PRKN: variants seen among roughly 807,000 people sequenced by gnomAD.
PRKN encodes parkin RBR E3 ubiquitin protein ligase.
PRKN carries 56 observed loss-of-function variants against 59.5 expected under a neutral mutation model. That is an observed-to-expected ratio of 0.94 (90% confidence interval 0.76 to 1.18). The LOEUF (loss-of-function observed/expected upper bound fraction) is 1.18. Among genes scored for constraint, PRKN ranks in the 50% most tolerant of loss-of-function variants. The pLI is 0.00. For missense variants in PRKN, 657 were observed against 596.4 expected (o/e 1.10, Z -1.06); for synonymous variants, 250 against 222.1 (o/e 1.13, Z -1.12).
At chr6:162,403,784 C>T (rs780512017) in intron 2 of PRKN, among the ~76,000 whole-genome samples, 1 of 152,174 alleles carries the variant, frequency 6.6e-6, no homozygotes, top group Non-Finnish European at 1.5e-5. Context: ...GTTGTAATTA[C>T]ATGGGCGGGG....
intron 4 of PRKN, among the ~76,000 whole-genome samples, chr6:162,075,386 C>T (rs540587790): frequency 7.5e-4 from 114 of 151,462 alleles, no homozygotes; most frequent in South Asian, 1.7e-3. Context: ...CAAAATTAAG[C>T]TTTATGAATA....
intron 4 of PRKN, among the ~76,000 whole-genome samples, chr6:162,192,606 C>T (rs1784330217): frequency 6.6e-6 from 1 of 150,886 alleles, no homozygotes; most frequent in Admixed American, 6.7e-5. Flanking sequence ...GCACATGCTA[C>T]CACGCCCAGC....
chr6:161,859,348 T>C (rs1052342974), intron 6 of PRKN, among the ~76,000 whole-genome samples: 2 of 151,638 alleles, frequency 1.3e-5, no homozygotes, highest in Non-Finnish European at 2.9e-5. Flanking sequence ...CTGACGCCTG[T>C]AATCCCAGCA....
chr6:162,376,350 T>C (rs1786080326), intron 2 of PRKN, among the ~76,000 whole-genome samples: 1 of 152,116 alleles, frequency 6.6e-6, no homozygotes, highest in Non-Finnish European at 1.5e-5. Flanking sequence ...CAAATTGTAT[T>C]ATATTACCAG....
At chr6:162,683,099 G>A (rs559698498) in intron 1 of PRKN, among the ~76,000 whole-genome samples, 73 of 152,202 alleles carry the variant, frequency 4.8e-4, no homozygotes, top group African/African-American at 1.7e-3. Context: ...TATTATGAAT[G>A]CAAAACAGCT....
At chr6:162,327,988 T>C (rs1244305856) in intron 2 of PRKN, among the ~76,000 whole-genome samples, 2 of 152,112 alleles carry the variant, frequency 1.3e-5, no homozygotes, top group African/African-American at 4.8e-5. Context: ...CATGGGCATT[T>C]ACGTGGGCAG....
At chr6:161,922,341 T>TCTGTCTG (rs1312759218) in intron 6 of PRKN, among the ~76,000 whole-genome samples, 35 of 152,206 alleles carry the variant, frequency 2.3e-4, no homozygotes, top group Non-Finnish European at 4.1e-4. Context: ...GCCACCTTAC[T>TCTGTCTG]TACAGTCTGA....
intron 6 of PRKN, among the ~76,000 whole-genome samples, chr6:161,911,678 C>T (rs973983804): frequency 1.3e-5 from 2 of 152,064 alleles, no homozygotes; most frequent in African/African-American, 2.4e-5. Flanking sequence ...GAAATAAATA[C>T]CCGTCAGTAT....
chr6:162,561,303 A>G (rs1483822403), intron 1 of PRKN, among the ~76,000 whole-genome samples: 1 of 152,212 alleles, frequency 6.6e-6, no homozygotes, highest in Non-Finnish European at 1.5e-5. Context: ...TGCTTATAGC[A>G]GTGGAGTAGA....
chr6:162,242,177 A>C (rs938806289), intron 3 of PRKN, among the ~76,000 whole-genome samples: 1 of 152,274 alleles, frequency 6.6e-6, no homozygotes, highest in South Asian at 2.1e-4. Context: ...TATTCAGAGC[A>C]AAATATGGAC....
In PRKN at chr6:161,380,485, G is replaced by A. The variant is rs577733655; in HGVS notation, c.1167+6309C>T. Among the ~76,000 whole-genome samples the A allele has an allele frequency of 5.0e-5, 7 of 140,060 alleles. No homozygotes were observed. The South Asian group carries it at 1.6e-3, about 31-fold the overall frequency. The allele number at this position is 140,060 out of a possible 152,430, so 91.9% of individuals were successfully genotyped here. ...CTTGCACTGTTGCCTGGGCTGGAGT[G>A]CAGTGGCAACCTCCACCTCCCAGCT... On this transcript the variant is annotated intron_variant, in intron 10 of 11. Transcript: ENST00000366898.
rs1779515774 is a variant in PRKN, at chr6:161,538,799, G to C, written c.1083+10055C>G. On this transcript the variant is annotated intron_variant, in intron 9 of 11. Coordinates refer to ENST00000366898, the MANE Select transcript of PRKN (RefSeq NM_004562.3). This position sits in a 1 kb window ranked among gnomAD's most constrained non-coding sequence, Gnocchi z 4.2. Reference sequence around the variant, plus strand: ...CAGGAGCTTGTAGAGAGATTTGATTGAATAACTGATCGACTTAGCCTTTCC... The same window carrying C: ...CAGGAGCTTGTAGAGAGATTTGATTCAATAACTGATCGACTTAGCCTTTCC... Among the ~76,000 whole-genome samples the C allele has an allele frequency of 6.6e-6, 1 of 152,162 alleles. No homozygotes were observed. Among genetic ancestry groups the C allele is most frequent in the Non-Finnish European group, 1.5e-5 (1 of 68,024 alleles).
intron 4 of PRKN, among the ~76,000 whole-genome samples, chr6:162,179,782 G>A (rs1469865231): frequency 1.3e-5 from 2 of 152,074 alleles, no homozygotes; most frequent in Admixed American, 1.3e-4. Flanking sequence ...TTATGTATGT[G>A]CCAAGGGGAA....
chr6:162,687,745 A>C (rs1473329453), intron 1 of PRKN, among the ~76,000 whole-genome samples: 2 of 152,218 alleles, frequency 1.3e-5, no homozygotes, highest in East Asian at 3.9e-4. Flanking sequence ...TTTTTATACA[A>C]GCCAAACCTA....
At chr6:162,349,961 T>C (rs898624213) in intron 2 of PRKN, among the ~76,000 whole-genome samples, 1 of 152,180 alleles carries the variant, frequency 6.6e-6, no homozygotes, top group Admixed American at 6.6e-5. Flanking sequence ...GAAAATCCTA[T>C]GGGAACTCCT....
chr6:161,839,072 A>G (rs1222044137), intron 6 of PRKN, among the ~76,000 whole-genome samples: 1 of 152,076 alleles, frequency 6.6e-6, no homozygotes, highest in Non-Finnish European at 1.5e-5. Flanking sequence ...AGAGGCCCAG[A>G]AAGAAACAGA....
chr6:161,456,645 C>T lies in PRKN; in HGVS notation c.1084-69768G>A, dbSNP rs535580663. 5.3e-5 allele frequency among the ~76,000 whole-genome samples: 8 copies of T among 152,258 alleles called. No individual in the cohort carries two copies. The South Asian group carries it at 1.7e-3, about 32-fold the overall frequency. ...AATCTCCCACATCACCAGCTTGAAT[C>T]CTGCCCAAGAATAAAGAGGATCAAG... On this transcript the variant is annotated intron_variant, in intron 9 of 11. Transcript: ENST00000366898. This position sits in a 1 kb window ranked among gnomAD's most constrained non-coding sequence, Gnocchi z 4.8.
rs533134337 is a variant in PRKN at position 162,148,013 on chromosome 6, G to A, written c.534+53118C>T. On this transcript the variant is annotated intron_variant, in intron 4 of 11. Coordinates refer to ENST00000366898, the MANE Select transcript of PRKN (RefSeq NM_004562.3). ...CCAGAGATGTCCTCAGCCCCAAGTC[G>A]ACAACCAGCATGGAGGACCCTATAA... 1.2e-4 allele frequency among the ~76,000 whole-genome samples: 18 copies of A among 152,176 alleles called. No homozygotes were observed. The South Asian group carries it at 3.3e-3, about 28-fold the overall frequency.
At position 161,569,410 on chromosome 6, in the gene PRKN, C is replaced by T. The variant is rs748669247; in HGVS notation, c.878G>A (p.Cys293Tyr). 6.2e-7 allele frequency: 1 copy of T among 1,613,602 alleles called. No individual in the cohort carries two copies. The highest frequency in any genetic ancestry group is 2.2e-5 in the East Asian group (1 of 44,878). The change falls in exon 8 of 12, where the codon TGT becomes TAT. Residue 293 changes from cysteine (C) to tyrosine (Y), a missense_variant. By Grantham distance (194) the Cys-to-Tyr change is radical. Transcript: ENST00000366898. ...LGYSLPCVAG[C>Y]PNSLIKELHH... ...GAGCTCTTTAATCAAGGAGTTGGGA[C>T]AGCCAGCTGTTGGAAAGAAGAATTA...
Sources: gnomAD v4.1 joint callset for allele counts (sites outside exome capture counted in the v4.1 genomes callset) on GRCh38, gnomAD v4.1.1 for gene constraint, Gnocchi (gnomAD v3.1) non-coding constraint, MANE v1.5 for transcripts, NCBI Gene and HGNC (gene_info 2026-07-23, HGNC 2026-07-21) for gene names.